Variants in FER observed in about 807,000 individuals in gnomAD.
FER encodes FER tyrosine kinase.
FER carries 63 observed loss-of-function variants against 111.0 expected under a neutral mutation model. The ratio of observed to expected loss-of-function variants is 0.57; its 90% CI spans 0.46 to 0.70. The LOEUF (loss-of-function observed/expected upper bound fraction) is 0.70, where lower values mean the gene tolerates loss of function less well. Ranked by LOEUF, FER falls within the 30% of genes least tolerant of loss-of-function variation. The pLI is 0.00. For synonymous variants in FER, 327 were observed against 313.9 expected (o/e 1.04, Z -0.44); for missense variants, 914 against 954.0 (o/e 0.96, Z 0.55).
intron 18 of FER, among the ~76,000 whole-genome samples, chr5:109,182,038 G>A (rs1423844408): frequency 2.0e-5 from 3 of 152,146 alleles, no homozygotes; most frequent in Admixed American, 6.5e-5. Context: ...TTTACTTAGC[G>A]TAAGATTTTT....
intron 6 of FER, among the ~76,000 whole-genome samples, chr5:108,869,687 G>C (rs1292159488): frequency 6.6e-6 from 1 of 152,070 alleles, no homozygotes; most frequent in Non-Finnish European, 1.5e-5. Flanking sequence ...ATATTATTCT[G>C]TTTTACATAC....
intron 2 of FER, among the ~76,000 whole-genome samples, chr5:108,794,673 CT>C (rs890142276): frequency 6.6e-6 from 1 of 151,586 alleles, no homozygotes; most frequent in Non-Finnish European, 1.5e-5. Context: ...CTAGGGTAAA[CT>C]TTTTTTTTCC....
chr5:108,785,036 A>G, intron 2 of FER: 1 of 365,238 alleles, frequency 2.7e-6, no homozygotes, highest in Non-Finnish European at 5.3e-6. Flanking sequence ...ACTGTCTAGT[A>G]TGAGAGTCAC....
chr5:108,899,274 C>G (rs1749651335), intron 10 of FER, among the ~76,000 whole-genome samples: 1 of 152,150 alleles, frequency 6.6e-6, no homozygotes, highest in African/African-American at 2.4e-5. Flanking sequence ...AATCCTTGCA[C>G]TCTTTCACTG....
At chr5:108,978,976 T>G (rs770386028) in intron 13 of FER, among the ~76,000 whole-genome samples, 1 of 152,204 alleles carries the variant, frequency 6.6e-6, no homozygotes, top group Non-Finnish European at 1.5e-5. Context: ...AGGAAATAAT[T>G]ATTGTTTAAT....
At chr5:109,044,441 A>G (rs145318692) in intron 14 of FER, among the ~76,000 whole-genome samples, 3,423 of 152,250 alleles carry the variant, frequency 0.022, 89 homozygotes, top group African/African-American at 0.065. Context: ...TCAGCCTCCC[A>G]AAGTGCTGGG....
intron 17 of FER, among the ~76,000 whole-genome samples, 155 bp from the exon 18 acceptor site, chr5:109,180,592 A>G (rs545721319): frequency 1.3e-5 from 2 of 152,338 alleles, no homozygotes; most frequent in South Asian, 2.1e-4. Context: ...TTTTTTACCT[A>G]TGACAGAAAA....
rs188397564 is a variant in FER at position 108,923,405 on chromosome 5, G to A, written c.1237-22725G>A. Among the ~76,000 whole-genome samples the A allele has an allele frequency of 4.3e-4, 66 of 152,202 alleles. 1 individual carries two copies. The highest frequency in any genetic ancestry group is 1.4e-3 in the African/African-American group (60 of 41,560). On this transcript the variant is annotated intron_variant, in intron 10 of 19. Coordinates refer to ENST00000281092, the MANE Select transcript of FER (RefSeq NM_005246.4). ...AGCCAAAGACTTTAAAGAAGGAGATGTTTATGTCAGAATTGTGACCCAGGG... is the reference window on the plus strand; with the variant it reads ...AGCCAAAGACTTTAAAGAAGGAGATATTTATGTCAGAATTGTGACCCAGGG...
At chr5:109,059,151 C>G (rs1413755898) in intron 16 of FER, among the ~76,000 whole-genome samples, 1 of 151,996 alleles carries the variant, frequency 6.6e-6, no homozygotes, top group Non-Finnish European at 1.5e-5. Flanking sequence ...TTGTTCTCAT[C>G]AAAGAGCAGA....
Position 109,087,775 on chromosome 5 carries a change from A to T in FER, c.1925-12621A>T, listed in dbSNP as rs192518731. On this transcript the variant is annotated intron_variant, in intron 16 of 19. Transcript: ENST00000281092. ...AATATTAATCAGCCTCAAAAATTTCATGCAACATGTTGTATGTATGTGTAA... is the reference window on the plus strand; with the variant it reads ...AATATTAATCAGCCTCAAAAATTTCTTGCAACATGTTGTATGTATGTGTAA... 2.6e-5 allele frequency among the ~76,000 whole-genome samples: 4 copies of T among 151,872 alleles called. No homozygotes were observed. The East Asian group carries it at 7.7e-4, about 29-fold the overall frequency.
intron 13 of FER, among the ~76,000 whole-genome samples, chr5:108,987,726 T>C (rs950245379): frequency 1.3e-5 from 2 of 152,178 alleles, no homozygotes; most frequent in Non-Finnish European, 2.9e-5. Flanking sequence ...TATACAATCA[T>C]ATCATTAGCA....
intron 13 of FER, among the ~76,000 whole-genome samples, chr5:109,008,408 G>A (rs1765769411): frequency 6.6e-6 from 1 of 151,984 alleles, no homozygotes; most frequent in African/African-American, 2.4e-5. Context: ...GTATTAGTCA[G>A]GGACTTGCTT....
intron 12 of FER, among the ~76,000 whole-genome samples, chr5:108,955,730 TGA>T (rs1363028263): frequency 6.6e-6 from 1 of 151,834 alleles, no homozygotes; most frequent in Non-Finnish European, 1.5e-5. Context: ...CATTTTATGT[TGA>T]GAGACTAGGG....
At chr5:108,883,642 G>T in intron 9 of FER, 124 bp downstream of exon 9, 1 of 761,922 alleles carries the variant, frequency 1.3e-6, no homozygotes, top group African/African-American at 1.8e-5. Context: ...TAAGTATGAA[G>T]TTTTGTATAG....
At chr5:109,040,132 A>T (rs548282423) in intron 14 of FER, among the ~76,000 whole-genome samples, 4 of 152,104 alleles carry the variant, frequency 2.6e-5, no homozygotes, top group African/African-American at 9.7e-5. Flanking sequence ...TTTTGGATGT[A>T]TTGAGTTTTT....
intron 10 of FER, among the ~76,000 whole-genome samples, chr5:108,904,080 AT>A (rs1461489003): frequency 6.6e-6 from 1 of 151,984 alleles, no homozygotes; most frequent in East Asian, 1.9e-4. Flanking sequence ...GTTTTTTTTC[AT>A]TTATCCATTC....
chr5:109,029,624 A>G (rs890137649), intron 13 of FER, among the ~76,000 whole-genome samples: 2 of 151,456 alleles, frequency 1.3e-5, no homozygotes, highest in African/African-American at 2.4e-5. Flanking sequence ...GTTGACAGTT[A>G]TTTTCTTTCA....
chr5:109,031,436 G>A (rs1426601816), intron 13 of FER, among the ~76,000 whole-genome samples: 1 of 152,060 alleles, frequency 6.6e-6, no homozygotes, highest in Non-Finnish European at 1.5e-5. Flanking sequence ...TGTTTGTTTG[G>A]ATGCTGGATA....
intron 14 of FER, among the ~76,000 whole-genome samples, chr5:109,043,167 C>T (rs545259377): frequency 6.6e-6 from 1 of 152,094 alleles, no homozygotes; most frequent in Non-Finnish European, 1.5e-5. Context: ...GTAATATAGC[C>T]AGGAAGAATC....
Sources: allele counts gnomAD v4.1 joint callset (sites outside exome capture counted in the v4.1 genomes callset), GRCh38; gene constraint gnomAD v4.1.1; transcripts MANE v1.5; gene names NCBI Gene and HGNC (gene_info 2026-07-23, HGNC 2026-07-21).